The following HS3ST5 variants were observed in gnomAD, a reference collection of about 807,000 sequenced individuals.
HS3ST5 encodes heparan sulfate glucosamine 3-O-sulfotransferase 5.
A neutral mutation model predicts 25.4 loss-of-function variants in HS3ST5; 10 were observed. The ratio of observed to expected loss-of-function variants is 0.39; its 90% confidence interval spans 0.24 to 0.67. HS3ST5 has a LOEUF of 0.67. Ranked by LOEUF, HS3ST5 falls within the 30% of genes least tolerant of loss-of-function variation. The pLI is 0.44. For missense variants in HS3ST5, 324 were observed against 420.7 expected (o/e 0.77, Z 2.01); for synonymous variants, 170 against 162.4 (o/e 1.05, Z -0.36).
rs1776936136 is a variant in HS3ST5 at position 114,342,618 on chromosome 6, G to C, written c.-762C>G. On this transcript the variant is annotated 5_prime_UTR_variant, in exon 1 of 5. Coordinates refer to ENST00000312719, the MANE Select transcript of HS3ST5 (RefSeq NM_153612.4). ...AGGAGCCGGAGTCCGCGCAGTGCCG[G>C]AGACCGCAGCCGCTCTGCGGGGGGA... 1 of 153,296 alleles carries C rather than the reference G, an allele frequency of 6.5e-6. No homozygotes were observed. Among genetic ancestry groups the C allele is most frequent in the African/African-American group, 2.4e-5 (1 of 41,448 alleles). The allele number at this position is 153,296 out of a possible 1,614,324, so 9.5% of individuals were successfully genotyped here.
intron 2 of HS3ST5, among the ~76,000 whole-genome samples, chr6:114,171,940 C>T (rs1779492785): frequency 6.6e-6 from 1 of 152,154 alleles, no homozygotes; most frequent in African/African-American, 2.4e-5. Context: ...TCCTTTTATA[C>T]AAATATTAAT....
intron 3 of HS3ST5, among the ~76,000 whole-genome samples, chr6:114,105,072 G>A (rs1424953256): frequency 1.3e-5 from 2 of 152,028 alleles, no homozygotes; most frequent in African/African-American, 2.4e-5. Flanking sequence ...TAGAACCACT[G>A]AGTAACCAGT....
At chr6:114,188,887 T>C (rs1234179241) in intron 2 of HS3ST5, among the ~76,000 whole-genome samples, 1 of 152,202 alleles carries the variant, frequency 6.6e-6, no homozygotes, top group East Asian at 1.9e-4. Flanking sequence ...AATTTCCCTC[T>C]TTTGGAGAAA....
At chr6:114,091,914 T>C (rs1345296854) in intron 3 of HS3ST5, among the ~76,000 whole-genome samples, 3 of 152,206 alleles carry the variant, frequency 2.0e-5, no homozygotes, top group Admixed American at 1.3e-4. Context: ...TGCAGGAGGC[T>C]ATGCCATGGA....
chr6:114,256,855 C>T (rs9488354), intron 1 of HS3ST5, among the ~76,000 whole-genome samples: 5,837 of 152,222 alleles, frequency 0.038, 172 homozygotes, highest in African/African-American at 0.083. Context: ...AATCTGTTTT[C>T]ACACTGCTTA....
rs190817522 is a variant in HS3ST5, at chr6:114,131,408, G to A, written c.-33+36943C>T. 7 of 152,258 alleles carry A rather than the reference G, an allele frequency of 4.6e-5. No individual in the cohort carries two copies. In the East Asian group the frequency reaches 1.4e-3, roughly 29 times the overall value. 9.4% of individuals were successfully genotyped at this position (152,258 alleles called of 1,614,324 possible). On this transcript the variant is annotated intron_variant, in intron 3 of 4. Transcript: ENST00000312719. The stretch of plus-strand genomic sequence containing the variant: ...GTGACTTTTCCTATAAATTTAGGAA[G>A]TAAAAAACTGCAAAGTATTTCCTCC...
At chr6:114,329,000 C>G (rs1458293575) in intron 1 of HS3ST5, among the ~76,000 whole-genome samples, 3 of 152,072 alleles carry the variant, frequency 2.0e-5, no homozygotes, top group Non-Finnish European at 4.4e-5. Flanking sequence ...ACTGTCGCCC[C>G]TCTTTGTAAT....
At chr6:114,300,549 T>C (rs1775029305) in intron 1 of HS3ST5, among the ~76,000 whole-genome samples, 1 of 152,192 alleles carries the variant, frequency 6.6e-6, no homozygotes, top group Non-Finnish European at 1.5e-5. Context: ...CATACATTGC[T>C]GGTGGGATTA....
At chr6:114,066,947 C>T (rs7742134) in intron 3 of HS3ST5, among the ~76,000 whole-genome samples, 57,698 of 152,034 alleles carry the variant, frequency 0.38, 11,228 homozygotes, top group Non-Finnish European at 0.4. Context: ...AAAGTCTATG[C>T]CCTTCCTTCT....
chr6:114,258,512 A>G (rs1439673664), intron 1 of HS3ST5, among the ~76,000 whole-genome samples: 2 of 152,146 alleles, frequency 1.3e-5, no homozygotes, highest in Non-Finnish European at 2.9e-5. Context: ...AAGGAAGGCA[A>G]AGAAATGACA....
chr6:114,107,648 A>G (rs1360627003), intron 3 of HS3ST5, among the ~76,000 whole-genome samples: 4 of 152,222 alleles, frequency 2.6e-5, no homozygotes, highest in African/African-American at 9.6e-5. Context: ...TGCTACTAGA[A>G]TAAGTTAGTG....
intron 3 of HS3ST5, among the ~76,000 whole-genome samples, chr6:114,152,594 A>G (rs899102325): frequency 1.3e-5 from 2 of 152,166 alleles, no homozygotes; most frequent in African/African-American, 2.4e-5. Flanking sequence ...TGCTTTTCTC[A>G]TCTTTCTTCT....
intron 3 of HS3ST5, among the ~76,000 whole-genome samples, chr6:114,100,429 G>A (rs747485059): frequency 6.6e-6 from 1 of 151,852 alleles, no homozygotes; most frequent in African/African-American, 2.4e-5. Context: ...CCCCAGAGAT[G>A]GTCTGATTTA....
At chr6:114,158,444 A>T (rs1480330015) in intron 3 of HS3ST5, among the ~76,000 whole-genome samples, 2 of 152,120 alleles carry the variant, frequency 1.3e-5, no homozygotes, top group Non-Finnish European at 2.9e-5. Context: ...TCACGGGTAG[A>T]CTTTATTTAT....
intron 3 of HS3ST5, among the ~76,000 whole-genome samples, chr6:114,127,476 G>C (rs182523330): frequency 6.6e-6 from 1 of 151,898 alleles, no homozygotes; most frequent in Non-Finnish European, 1.5e-5. Flanking sequence ...TAACCTAACT[G>C]GTCAAGAATC....
intron 1 of HS3ST5, among the ~76,000 whole-genome samples, chr6:114,290,556 A>G (rs1348898511): frequency 6.6e-6 from 1 of 152,100 alleles, no homozygotes; most frequent in Non-Finnish European, 1.5e-5. Flanking sequence ...TATTTTCTTC[A>G]AGGTTGTTCA....
chr6:114,104,453 T>G (rs534109982), intron 3 of HS3ST5, among the ~76,000 whole-genome samples: 1 of 152,324 alleles, frequency 6.6e-6, no homozygotes, highest in African/African-American at 2.4e-5. Flanking sequence ...ATGCTCAGCT[T>G]TGAGGTTTCC....
At chr6:114,256,304 C>T (rs973755717) in intron 1 of HS3ST5, among the ~76,000 whole-genome samples, 5 of 151,280 alleles carry the variant, frequency 3.3e-5, no homozygotes, top group African/African-American at 7.3e-5. Flanking sequence ...AGGAGAATGG[C>T]GTGAACCCGG....
intron 3 of HS3ST5, among the ~76,000 whole-genome samples, chr6:114,103,693 T>C (rs1775842702): frequency 6.7e-6 from 1 of 150,314 alleles, no homozygotes; most frequent in East Asian, 1.9e-4. Flanking sequence ...CTTTCTTTCT[T>C]TTTCTTCTTC....
Sources: gnomAD v4.1 joint callset for allele counts (sites outside exome capture counted in the v4.1 genomes callset) on GRCh38, gnomAD v4.1.1 for gene constraint, MANE v1.5 for transcripts, NCBI Gene and HGNC (gene_info 2026-07-23, HGNC 2026-07-21) for gene names.